Variants in FIGLA observed in about 807,000 individuals in gnomAD.
The protein encoded by FIGLA is factor in the germline alpha.
A neutral mutation model predicts 21.5 loss-of-function variants in FIGLA; 17 were observed. The ratio of observed to expected loss-of-function variants is 0.79; its 90% CI spans 0.54 to 1.19. The LOEUF is 1.19. FIGLA is among the 50% of genes most tolerant of loss of function. The pLI is 0.00. For synonymous variants in FIGLA, 129 were observed against 117.6 expected (o/e 1.10, Z -0.63); for missense variants, 282 against 285.0 (o/e 0.99, Z 0.08).
rs149484624 is a variant in FIGLA, at chr2:70,789,206, T to C, written c.231+1202A>G. The stretch of plus-strand genomic sequence containing the variant: ...CAAAACTAGAAAAAGACTGGGTGGA[T>C]ATACACAAAAATGTTCACAGTAGTT... On this transcript the variant is annotated intron_variant, in intron 1 of 4. Coordinates refer to ENST00000332372, the MANE Select transcript of FIGLA (RefSeq NM_001004311.3). Among the ~76,000 whole-genome samples, 7 of 152,248 alleles carry C rather than the reference T, an allele frequency of 4.6e-5. No homozygotes were observed. The East Asian group carries it at 1.4e-3, about 29-fold the overall frequency.
At chr2:70,778,752 T>C (rs1553388696) in intron 3 of FIGLA, among the ~76,000 whole-genome samples, 1 of 152,236 alleles carries the variant, frequency 6.6e-6, no homozygotes, top group Non-Finnish European at 1.5e-5. Flanking sequence ...TGGTCTCATC[T>C]AAGCCAAAGA....
In FIGLA at chr2:70,785,026, T is replaced by C. The variant is rs138351131; in HGVS notation, c.609+389A>G. ...ACTTCTTTTTCTGGAGACCATAGAGTCCAGAAAACCTTTTGATGGGTTAAA... is the reference window on the plus strand; with the variant it reads ...ACTTCTTTTTCTGGAGACCATAGAGCCCAGAAAACCTTTTGATGGGTTAAA... On this transcript the variant is annotated intron_variant, in intron 3 of 4. Coordinates refer to ENST00000332372, the MANE Select transcript of FIGLA (RefSeq NM_001004311.3). 6.7e-3 allele frequency among the ~76,000 whole-genome samples: 1,018 copies of C among 151,650 alleles called. 3 individuals are homozygous for C. The highest frequency in any genetic ancestry group is 0.017 in the Middle Eastern group (5 of 294).
In FIGLA at chr2:70,790,602, C is replaced by G; in HGVS notation, c.37G>C (p.Ala13Pro). The G allele has an allele frequency of 6.8e-7, 1 of 1,469,566 alleles. No homozygotes were observed. Among genetic ancestry groups the G allele is most frequent in the Non-Finnish European group, 9.0e-7 (1 of 1,116,786 alleles). 91.0% of individuals were successfully genotyped at this position (1,469,566 alleles called of 1,614,324 possible). The change falls in exon 1 of 5, where the codon GCG (alanine) becomes CCG (proline). Residue 13 changes from alanine (A) to proline (P), a missense_variant. Ala to Pro is a conservative substitution (Grantham distance 27). Coordinates refer to ENST00000332372, the MANE Select transcript of FIGLA (RefSeq NM_001004311.3). ...GGGGTGCCCAGGAGCGCGGGCGGCG[C>G]GGCGCGGGGATCTAGGACGCCGGGC... is the stretch of plus-strand genomic sequence containing the variant. ...PAPGVLDPRA[A>P]PPALLGTPQA...
chr2:70,783,909 C>T (rs530407604), intron 3 of FIGLA, among the ~76,000 whole-genome samples: 3 of 151,494 alleles, frequency 2.0e-5, no homozygotes, highest in African/African-American at 7.3e-5. Flanking sequence ...AGGCTGGTCT[C>T]GAACTCCTGA....
At chr2:70,777,444 TAAAG>T (rs1355915760) in intron 4 of FIGLA, 62 bp from the exon 5 acceptor site, 10 of 1,371,390 alleles carry the variant, frequency 7.3e-6, no homozygotes, top group African/African-American at 2.9e-5. Context: ...ACAAAAGAAA[TAAAG>T]AAATATGCAA....
intron 3 of FIGLA, among the ~76,000 whole-genome samples, chr2:70,780,355 A>G (rs910474198): frequency 3.9e-5 from 6 of 152,146 alleles, no homozygotes; most frequent in Admixed American, 2.0e-4. Flanking sequence ...CTGCCTCCCA[A>G]ATCTTAAGCT....
At position 70,787,098 on chromosome 2, in the gene FIGLA, TCA is replaced by T. The variant is rs538135927; in HGVS notation, c.384+549_384+550del. ...ATAATGGTGGTGACATTATGATACT[TCA>T]CAGTTTACAGGGCCATTTGTGTCAT... On this transcript the variant is annotated intron_variant, in intron 2 of 4. Transcript: ENST00000332372. Among the ~76,000 whole-genome samples, 12 of 152,336 alleles carry T rather than the reference TCA, an allele frequency of 7.9e-5. No individual in the cohort carries two copies. The South Asian group carries it at 2.1e-3, about 26-fold the overall frequency.
chr2:70,786,784 T>C (rs1553390106), intron 2 of FIGLA, among the ~76,000 whole-genome samples: 1 of 152,124 alleles, frequency 6.6e-6, no homozygotes, highest in Non-Finnish European at 1.5e-5. Context: ...AGCCTCTCTG[T>C]AACCTCTCAC....
intron 3 of FIGLA, among the ~76,000 whole-genome samples, chr2:70,781,100 G>T (rs1262004547): frequency 1.3e-5 from 2 of 152,178 alleles, no homozygotes; most frequent in African/African-American, 4.8e-5. Flanking sequence ...GTGATTTAGC[G>T]AGAGCAGGGA....
Position 70,777,502 on chromosome 2 carries a change from T to C in FIGLA, c.645-120A>G, listed in dbSNP as rs531149167. 107 of 1,381,272 alleles carry C rather than the reference T, an allele frequency of 7.7e-5. No individual in the cohort carries two copies. The African/African-American group carries it at 1.4e-3, about 18-fold the overall frequency. The allele number at this position is 1,381,272 out of a possible 1,614,324, so 85.6% of individuals were successfully genotyped here. On this transcript the variant is annotated intron_variant, in intron 4 of 4. Transcript: ENST00000332372. ...AATCAAAGATGTTTAAATTTAAAGA[T>C]ACTACTTTTTTACCCATTAAGATTC...
At chr2:70,789,871 G>A (rs1430993721) in intron 1 of FIGLA, among the ~76,000 whole-genome samples, 1 of 152,186 alleles carries the variant, frequency 6.6e-6, no homozygotes, top group Non-Finnish European at 1.5e-5. Context: ...ACAGAGTTGA[G>A]TGGGAGTCTT....
At position 70,790,560 on chromosome 2, in the gene FIGLA, C is replaced by T. The variant is rs1052988363; in HGVS notation, c.79G>A (p.Glu27Lys). 1.3e-6 allele frequency: 2 copies of T among 1,523,956 alleles called. No homozygotes were observed. Among genetic ancestry groups the T allele is most frequent in the Non-Finnish European group, 8.8e-7 (1 of 1,141,270 alleles). 94.4% of individuals were successfully genotyped at this position (1,523,956 alleles called of 1,614,324 possible). A position where few individuals can be genotyped will look rare whatever the true frequency, so the allele number is the denominator to read the frequency against. Residue 27 changes from glutamate to lysine, a missense_variant, in exon 1 of 5, where the codon GAG becomes AAG. Physicochemically the swap from Glu to Lys is moderately conservative, Grantham distance 56 (BLOSUM62 1). Coordinates refer to ENST00000332372, the MANE Select transcript of FIGLA (RefSeq NM_001004311.3). ...CCGAACTGCTCCCGCAACACGTCCT[C>T]CAGCACCTCGGCTTGCGGGGTGCCC... is the stretch of plus-strand genomic sequence containing the variant. Reference protein sequence around the residue: ...LLGTPQAEVLEDVLREQFGPL... With the variant: ...LLGTPQAEVLKDVLREQFGPL...
At position 70,787,150 on chromosome 2, in the gene FIGLA, CA is replaced by C. The variant is rs1336877547; in HGVS notation, c.384+498del. Among the ~76,000 whole-genome samples, 3 of 152,306 alleles carry C rather than the reference CA, an allele frequency of 2.0e-5. No homozygotes were observed. The South Asian group carries it at 6.2e-4, about 32-fold the overall frequency. ...TTCCTGCTGAATGGTTGCAAAACCCCATGAGACTGGTATCACCAGACCATTG... is the reference window on the plus strand; with the variant it reads ...TTCCTGCTGAATGGTTGCAAAACCCCTGAGACTGGTATCACCAGACCATTG... On this transcript the variant is annotated intron_variant, in intron 2 of 4. Coordinates refer to ENST00000332372, the MANE Select transcript of FIGLA (RefSeq NM_001004311.3).
Position 70,785,529 on chromosome 2 carries a change from G to A in FIGLA, c.495C>T (p.Gly165=). 1.9e-6 allele frequency: 3 copies of A among 1,614,000 alleles called. No individual in the cohort carries two copies. The highest frequency in any genetic ancestry group is 2.5e-6 in the Non-Finnish European group (3 of 1,179,892). ...AAGGCCCTTCCTCTTCATTCTTCAA[G>A]CCGAAAGCACAGCTGATATGTTGGG... The part of the protein sequence containing the change: ...NITQHISCAF[G]LKNEEEGPWA... The change falls in exon 3 of 5, where the codon GGC becomes GGT. Residue 165 remains glycine, a synonymous_variant. Coordinates refer to ENST00000332372, the MANE Select transcript of FIGLA (RefSeq NM_001004311.3).
In FIGLA at chr2:70,784,427, A is replaced by G. The variant is rs75032321; in HGVS notation, c.609+988T>C. On this transcript the variant is annotated intron_variant, in intron 3 of 4. Coordinates refer to ENST00000332372, the MANE Select transcript of FIGLA (RefSeq NM_001004311.3). ...GTATTATGCCAGATACTTTGCTGAC[A>G]TGATATCATTTGGAGTTAGTTATCT... 6.7e-3 allele frequency among the ~76,000 whole-genome samples: 1,018 copies of G among 152,348 alleles called. 5 individuals are homozygous for G. Among genetic ancestry groups the G allele is most frequent in the African/African-American group, 0.023 (949 of 41,574 alleles).
In FIGLA at chr2:70,785,896, C is replaced by A. The variant is rs1255576167; in HGVS notation, c.385-257G>T. On this transcript the variant is annotated intron_variant, in intron 2 of 4. Transcript: ENST00000332372. ...ATGGTATGTTTTACAATGAACAAAG[C>A]ACTTCTGTTACACAATTGACATGCA... Among the ~76,000 whole-genome samples the A allele has an allele frequency of 2.0e-5, 3 of 152,114 alleles. No individual in the cohort carries two copies. The South Asian group carries it at 6.2e-4, about 31-fold the overall frequency.
intron 1 of FIGLA, among the ~76,000 whole-genome samples, chr2:70,790,070 C>T (rs1553390602): frequency 6.6e-6 from 1 of 152,180 alleles, no homozygotes; most frequent in Non-Finnish European, 1.5e-5. Flanking sequence ...AAGGCGCACC[C>T]CCTGGGCGCG....
intron 3 of FIGLA, among the ~76,000 whole-genome samples, chr2:70,779,564 C>T (rs1322604734): frequency 1.3e-5 from 2 of 152,172 alleles, no homozygotes; most frequent in South Asian, 2.1e-4. Flanking sequence ...TCACAGATTA[C>T]CGCAACTTGG....
Position 70,790,480 on chromosome 2 carries a change from G to A in FIGLA, c.159C>T (p.Gly53=). 5 of 1,544,558 alleles carry A rather than the reference G, an allele frequency of 3.2e-6. No homozygotes were observed. The highest frequency in any genetic ancestry group is 4.4e-6 in the Non-Finnish European group (5 of 1,146,268). ...VCRLKRLPSG[G]YSSTENLQLV... Reference sequence around the variant, plus strand: ...ACTGGAGGTTTTCAGTGGACGAGTAGCCGCCCGAGGGCAGCCGCTTGAGCC... The same window carrying A: ...ACTGGAGGTTTTCAGTGGACGAGTAACCGCCCGAGGGCAGCCGCTTGAGCC... The change falls in exon 1 of 5, where the codon GGC becomes GGT. Residue 53 remains glycine, a synonymous_variant. Coordinates refer to ENST00000332372, the MANE Select transcript of FIGLA (RefSeq NM_001004311.3).
Sources: gnomAD v4.1 joint callset for allele counts (sites outside exome capture counted in the v4.1 genomes callset) on GRCh38, gnomAD v4.1.1 for gene constraint, MANE v1.5 for transcripts, NCBI Gene and HGNC (gene_info 2026-07-23, HGNC 2026-07-21) for gene names.